The following SHANK1 variants were observed in gnomAD, a reference collection of about 807,000 sequenced individuals.
SHANK1 encodes SH3 and multiple ankyrin repeat domains 1, also known as SH3 and multiple ankyrin repeat domains protein 1.
SHANK1 carries 35 observed loss-of-function variants against 165.6 expected under a neutral mutation model. The ratio of observed to expected loss-of-function variants is 0.21; its 90% CI spans 0.16 to 0.28. SHANK1 has a LOEUF of 0.28. SHANK1 is among the 10% of genes least tolerant of loss of function. The pLI is 1.00. For synonymous variants in SHANK1, 1,428 were observed against 1,384.8 expected, an observed-to-expected ratio of 1.03 and a Z score of -0.69; for missense variants, 2,681 against 3,036.4, an observed-to-expected ratio of 0.88 and a Z score of 2.75.
Position 50,662,142 on chromosome 19 carries a change from C to T in SHANK1, c.6309G>A (p.Val2103=), listed in dbSNP as rs1326089371. The T allele has an allele frequency of 7.4e-6, 12 of 1,613,650 alleles. No homozygotes were observed. Among genetic ancestry groups the T allele is most frequent in the Non-Finnish European group, 1.0e-5 (12 of 1,179,598 alleles). ...KPLGFWTKFD[V]ADWLEWLGLA... is the part of the protein sequence containing the mutation. The stretch of plus-strand genomic sequence containing the variant: ...AACCCAGCCACTCCAGCCAATCAGC[C>T]ACGTCGAACTTGGTCCAGAACCCCA... The change falls in exon 24 of 24, where the codon GTG becomes GTA. Residue 2103 remains valine (V), a synonymous_variant. Coordinates refer to ENST00000293441, the MANE Select transcript of SHANK1 (RefSeq NM_016148.5). The surrounding 1 kb of genome is among the most constrained non-coding windows in gnomAD (Gnocchi z 7.7).
chr19:50,672,374 C>T (rs1019989494), intron 21 of SHANK1, among the ~76,000 whole-genome samples: 4 of 151,636 alleles, frequency 2.6e-5, no homozygotes, highest in South Asian at 4.2e-4. Context: ...GGCAAAACCT[C>T]GTCTCTCTAC....
chr19:50,686,426 AC>A lies in SHANK1; in HGVS notation c.2459-72del. 1 of 1,142,154 alleles carries A rather than the reference AC, an allele frequency of 8.8e-7. No homozygotes were observed. The highest frequency in any genetic ancestry group is 1.3e-6 in the Non-Finnish European group (1 of 789,252). The allele number at this position is 1,142,154 out of a possible 1,614,324, so 70.8% of individuals were successfully genotyped here. ...GTTTGCTTTGACCCGGGCCGCAAAG[AC>A]CAGAGCTGCCGCCCGCAGTTCATCC... On this transcript the variant is annotated intron_variant, in intron 20 of 23. Transcript: ENST00000293441. The surrounding 1 kb of genome is among the most constrained non-coding windows in gnomAD (Gnocchi z 5.7).
At chr19:50,712,750 C>T (rs922341963) in intron 6 of SHANK1, among the ~76,000 whole-genome samples, 6 of 151,870 alleles carry the variant, frequency 4.0e-5, no homozygotes, top group Non-Finnish European at 5.9e-5. Context: ...CCCAACAGAA[C>T]GTTTCCCCCA....
rs1599853658 is a variant in SHANK1 at position 50,686,422 on chromosome 19, A to G, written c.2459-67T>C. ...TGAAGTTTGCTTTGACCCGGGCCGCAAAGACCAGAGCTGCCGCCCGCAGTT... is the reference window on the plus strand; with the variant it reads ...TGAAGTTTGCTTTGACCCGGGCCGCGAAGACCAGAGCTGCCGCCCGCAGTT... On this transcript the variant is annotated intron_variant, in intron 20 of 23. Coordinates refer to ENST00000293441, the MANE Select transcript of SHANK1 (RefSeq NM_016148.5). The surrounding 1 kb of genome is among the most constrained non-coding windows in gnomAD (Gnocchi z 5.7). The G allele has an allele frequency of 2.5e-6, 3 of 1,199,782 alleles. No homozygotes were observed. Among genetic ancestry groups the G allele is most frequent in the East Asian group, 4.8e-5 (2 of 41,532 alleles). 74.3% of individuals were successfully genotyped at this position (1,199,782 alleles called of 1,614,324 possible).
chr19:50,698,332 C>T (rs1341927318), intron 12 of SHANK1, among the ~76,000 whole-genome samples: 1 of 152,108 alleles, frequency 6.6e-6, no homozygotes, highest in Non-Finnish European at 1.5e-5. Context: ...ACAAGTTCTA[C>T]CTCACCCTCC....
At chr19:50,685,770 C>T (rs1015445638) in intron 21 of SHANK1, among the ~76,000 whole-genome samples, 13 of 152,028 alleles carry the variant, frequency 8.6e-5, no homozygotes, top group South Asian at 2.1e-4. Context: ...AAATAAAATG[C>T]AGTGTCCCCC....
In SHANK1 at chr19:50,667,374, G is replaced by T; in HGVS notation, c.4586C>A (p.Pro1529His). The change falls in exon 23 of 24, where the codon CCC becomes CAC. Residue 1529 changes from proline to histidine, a missense_variant. Pro to His is a moderately conservative substitution (Grantham distance 77). Around this residue, in one of 10 missense-constraint regions of SHANK1, gnomAD observed 1,713 missense variants for 1,630.2 expected, o/e 1.05. Transcript: ENST00000293441. The surrounding 1 kb of genome is among the most constrained non-coding windows in gnomAD (Gnocchi z 5.7). ...GCTGGCCCTCGGGGAGGTCGGGGAG[G>T]GGGGCACGGACCGGCGTGGGCTGGG... ...PPPSPRRSVPPSPTSPRASEE... is the reference protein window; with the variant it reads ...PPPSPRRSVPHSPTSPRASEE... The T allele has an allele frequency of 1.3e-6, 2 of 1,534,446 alleles. No homozygotes were observed. The highest frequency in any genetic ancestry group is 8.7e-7 in the Non-Finnish European group (1 of 1,144,406).
At chr19:50,706,240 C>G (rs2088937699) in intron 8 of SHANK1, among the ~76,000 whole-genome samples, 1 of 152,134 alleles carries the variant, frequency 6.6e-6, no homozygotes, top group African/African-American at 2.4e-5. Context: ...ATCTCTCTGA[C>G]TCCAAAGTCT....
chr19:50,699,156 C>T (rs1184027603), intron 12 of SHANK1, among the ~76,000 whole-genome samples: 1 of 152,186 alleles, frequency 6.6e-6, no homozygotes, highest in Non-Finnish European at 1.5e-5. Flanking sequence ...TGGAAGAGAG[C>T]AGGAGATGGG....
chr19:50,686,194 C>A lies in SHANK1; in HGVS notation c.2577+43G>T. The A allele has an allele frequency of 3.3e-6, 4 of 1,217,140 alleles. No homozygotes were observed. The highest frequency in any genetic ancestry group is 4.7e-6 in the Non-Finnish European group (4 of 853,880). The allele number at this position is 1,217,140 out of a possible 1,614,324, so 75.4% of individuals were successfully genotyped here. A position where few individuals can be genotyped will look rare whatever the true frequency, so the allele number is the denominator to read the frequency against. On this transcript the variant is annotated intron_variant, in intron 21 of 23. Transcript: ENST00000293441. The surrounding 1 kb of genome is among the most constrained non-coding windows in gnomAD (Gnocchi z 5.7). ...GAAAGGCTCCAGGTTGGTGTGTGAA[C>A]CGCCTCCCCCCTGGCAGTTCCTCCC...
At chr19:50,675,662 G>A (rs1279844764) in intron 21 of SHANK1, among the ~76,000 whole-genome samples, 5 of 152,136 alleles carry the variant, frequency 3.3e-5, no homozygotes, top group African/African-American at 1.2e-4. Context: ...ATATAACATT[G>A]GTCAGATGGA....
At chr19:50,698,557 C>T (rs1381591709) in intron 12 of SHANK1, among the ~76,000 whole-genome samples, 3 of 140,612 alleles carry the variant, frequency 2.1e-5, no homozygotes, top group African/African-American at 7.6e-5. Context: ...TAGCAAACAT[C>T]ACAGACTGCC....
intron 21 of SHANK1, among the ~76,000 whole-genome samples, chr19:50,682,088 G>A (rs1230151272): frequency 1.3e-5 from 2 of 149,858 alleles, no homozygotes; most frequent in East Asian, 1.9e-4. Flanking sequence ...ACGGAGTCTC[G>A]CTCTACTGCC....
intron 19 of SHANK1, chr19:50,687,050 G>A (rs1255938231): frequency 2.0e-6 from 3 of 1,472,376 alleles, no homozygotes; most frequent in Non-Finnish European, 2.7e-6. Flanking sequence ...ACTAGCCCGG[G>A]GGAGAGGCAG....
At chr19:50,682,269 T>C (rs1335074162) in intron 21 of SHANK1, among the ~76,000 whole-genome samples, 4 of 151,566 alleles carry the variant, frequency 2.6e-5, no homozygotes, top group African/African-American at 9.7e-5. Flanking sequence ...TTTGCCAGGA[T>C]GGTCTTGATC....
chr19:50,698,093 G>C (rs1986799064), intron 12 of SHANK1, 137 bp from the exon 13 acceptor site: 2 of 664,862 alleles, frequency 3.0e-6, no homozygotes, highest in African/African-American at 3.6e-5. Context: ...TCTGAGGAAG[G>C]GGCGAGGAGC....
intron 21 of SHANK1, among the ~76,000 whole-genome samples, chr19:50,685,804 T>C (rs957424353): frequency 6.6e-6 from 1 of 152,170 alleles, no homozygotes; most frequent in Admixed American, 6.5e-5. Context: ...CCCCTACAGG[T>C]TGGCCTCTGG....
chr19:50,701,229 CTT>C (rs1986905501), intron 12 of SHANK1, among the ~76,000 whole-genome samples: 1 of 133,132 alleles, frequency 7.5e-6, no homozygotes, highest in Non-Finnish European at 1.5e-5. Flanking sequence ...GAGTTTCACT[CTT>C]GTCAGCCAGG....
Position 50,667,931 on chromosome 19 carries a change from G to A in SHANK1, c.4029C>T (p.Thr1343=), listed in dbSNP as rs750578. ...LPPRPLVHPL[T]GKALDPASPL... ...GGGAGGCGGGATCCAGGGCCTTGCCGGTCAGCGGGTGCACCAGGGGTCGCG... is the reference window on the plus strand; with the variant it reads ...GGGAGGCGGGATCCAGGGCCTTGCCAGTCAGCGGGTGCACCAGGGGTCGCG... Residue 1343 remains threonine (T), a synonymous_variant, in exon 23 of 24, where the codon ACC becomes ACT. Transcript: ENST00000293441. The surrounding 1 kb of genome is among the most constrained non-coding windows in gnomAD (Gnocchi z 5.7). 557,307 of 1,363,872 alleles carry A rather than the reference G, an allele frequency of 0.41. 118,897 individuals carry two copies. Among genetic ancestry groups the A allele is most frequent in the Admixed American group, 0.56 (15,117 of 27,230 alleles). 84.5% of individuals were successfully genotyped at this position (1,363,872 alleles called of 1,614,324 possible). A position where few individuals can be genotyped will look rare whatever the true frequency, so the allele number is the denominator to read the frequency against.
Sources: gnomAD v4.1 joint callset for allele counts (sites outside exome capture counted in the v4.1 genomes callset) on GRCh38, gnomAD v4.1.1 for gene constraint, gnomAD v4.1.1 regional missense constraint, Gnocchi (gnomAD v3.1) non-coding constraint, MANE v1.5 for transcripts, NCBI Gene and HGNC (gene_info 2026-07-23, HGNC 2026-07-21) for gene names.